Variants in RIC8B observed in about 807,000 individuals in gnomAD.
RIC8B encodes the protein chaperone Ric-8B.
RIC8B carries 16 observed loss-of-function variants against 57.5 expected under a neutral mutation model. That is an observed-to-expected ratio of 0.28 (90% CI 0.19 to 0.42). RIC8B has a LOEUF of 0.42. Among genes scored for constraint, RIC8B ranks in the 10% least tolerant of loss-of-function variants. RIC8B has a pLI of 1.00. For synonymous variants in RIC8B, 216 were observed against 250.8 expected, an observed-to-expected ratio of 0.86 and a Z score of 1.31; for missense variants, 481 against 677.0, an observed-to-expected ratio of 0.71 and a Z score of 3.21.
chr12:106,869,852 T>A (rs1950321155), intron 8 of RIC8B, among the ~76,000 whole-genome samples: 1 of 152,098 alleles, frequency 6.6e-6, no homozygotes, highest in Non-Finnish European at 1.5e-5. Context: ...GGCAGGAGAA[T>A]CACTTGAACC....
At chr12:106,836,483 T>C (rs967731987) in intron 4 of RIC8B, among the ~76,000 whole-genome samples, 16 of 152,170 alleles carry the variant, frequency 1.1e-4, no homozygotes, top group African/African-American at 3.6e-4. Context: ...CTAAAAAGCT[T>C]CTTCTCTTGC....
At chr12:106,795,153 T>TTTAAA (rs1333347158) in intron 2 of RIC8B, among the ~76,000 whole-genome samples, 2 of 152,302 alleles carry the variant, frequency 1.3e-5, no homozygotes, top group African/African-American at 4.8e-5. Flanking sequence ...TCCCAGCTTC[T>TTTAAA]TTAAAAGACA....
intron 1 of RIC8B, among the ~76,000 whole-genome samples, chr12:106,780,997 C>T (rs1425811451): frequency 6.6e-6 from 1 of 152,240 alleles, no homozygotes; most frequent in African/African-American, 2.4e-5. Flanking sequence ...GGTTGTCTGA[C>T]TCCTGATCCT....
chr12:106,871,091 T>G, intron 9 of RIC8B, 149 bp downstream of exon 9: 31 of 602,444 alleles, frequency 5.1e-5, no homozygotes, highest in Non-Finnish European at 7.5e-5. Context: ...CAGATAGCTC[T>G]TGGCTACCAT....
At chr12:106,878,169 G>A (rs548880125) in intron 9 of RIC8B, among the ~76,000 whole-genome samples, 1 of 152,214 alleles carries the variant, frequency 6.6e-6, no homozygotes, top group South Asian at 2.1e-4. Flanking sequence ...TTCCTACCAA[G>A]TTAGTGGCTT....
At chr12:106,818,600 A>G (rs1230671662) in intron 3 of RIC8B, among the ~76,000 whole-genome samples, 1 of 152,076 alleles carries the variant, frequency 6.6e-6, no homozygotes, top group Admixed American at 6.6e-5. Context: ...AGTGCAGGCC[A>G]CCACACTCGG....
intron 2 of RIC8B, among the ~76,000 whole-genome samples, chr12:106,791,471 G>A (rs1030724163): frequency 6.6e-6 from 1 of 151,996 alleles, no homozygotes; most frequent in African/African-American, 2.4e-5. Flanking sequence ...TCTTGATTAC[G>A]TATTCCTTTT....
At chr12:106,804,340 G>T (rs572235209) in intron 2 of RIC8B, among the ~76,000 whole-genome samples, 2 of 151,894 alleles carry the variant, frequency 1.3e-5, no homozygotes, top group South Asian at 4.2e-4. Context: ...CCAGCCTCAT[G>T]AGTGGCTAGG....
chr12:106,844,533 AT>A (rs1221508851), intron 6 of RIC8B, among the ~76,000 whole-genome samples: 23 of 152,330 alleles, frequency 1.5e-4, no homozygotes, highest in African/African-American at 4.8e-4. Context: ...CAAGAGCCAG[AT>A]ACAGCAGGCG....
chr12:106,775,397 C>G (rs753618886), intron 1 of RIC8B: 80 of 455,884 alleles, frequency 1.8e-4, no homozygotes, highest in Admixed American at 1.4e-4. Flanking sequence ...GAGCTGAAAT[C>G]ACGCCCAAGG....
chr12:106,830,283 CA>C (rs1381005205), intron 4 of RIC8B, among the ~76,000 whole-genome samples: 1 of 152,186 alleles, frequency 6.6e-6, no homozygotes, highest in Non-Finnish European at 1.5e-5. Flanking sequence ...AACATTTTAA[CA>C]ATACTGTCTT....
intron 9 of RIC8B, among the ~76,000 whole-genome samples, chr12:106,885,200 A>C (rs1304028164): frequency 6.6e-6 from 1 of 152,206 alleles, no homozygotes; most frequent in African/African-American, 2.4e-5. Context: ...TGTGGAGTAG[A>C]TATAATTGGA....
At chr12:106,853,970 T>C (rs1949605554) in intron 7 of RIC8B, among the ~76,000 whole-genome samples, 1 of 152,162 alleles carries the variant, frequency 6.6e-6, no homozygotes, top group African/African-American at 2.4e-5. Context: ...GCCAGGCTGG[T>C]AATAAAAGTA....
intron 2 of RIC8B, among the ~76,000 whole-genome samples, chr12:106,803,215 C>CAAAAA (rs55853235): frequency 8.3e-5 from 7 of 83,982 alleles, no homozygotes; most frequent in South Asian, 3.9e-4. Context: ...TACCCTGTCT[C>CAAAAA]AAAAAAAAAA....
Position 106,886,363 on chromosome 12 carries a change from C to T in RIC8B, c.*348C>T, listed in dbSNP as rs1413268943. The T allele has an allele frequency of 5.2e-6, 1 of 190,802 alleles. No individual in the cohort carries two copies. The highest frequency in any genetic ancestry group is 2.4e-5 in the African/African-American group (1 of 42,494). 11.8% of individuals were successfully genotyped at this position (190,802 alleles called of 1,614,324 possible). On this transcript the variant is annotated 3_prime_UTR_variant, in exon 10 of 10. Transcript: ENST00000392837. ...GCAGAAGATTTAGCCATGTCCTTCC[C>T]CTCACTTGTGTGAGTGGCCCCTTCT...
intron 2 of RIC8B, among the ~76,000 whole-genome samples, chr12:106,795,878 G>A (rs570414254): frequency 2.6e-5 from 4 of 152,224 alleles, no homozygotes; most frequent in Admixed American, 6.5e-5. Flanking sequence ...TATCTCACTG[G>A]AATTAGTATA....
chr12:106,850,982 G>A (rs76004719), intron 6 of RIC8B, among the ~76,000 whole-genome samples: 2 of 152,154 alleles, frequency 1.3e-5, no homozygotes, highest in Middle Eastern at 3.4e-3. Context: ...ATAGAAGTCC[G>A]AAGCACTTCT....
intron 2 of RIC8B, among the ~76,000 whole-genome samples, chr12:106,807,911 C>A (rs1353048667): frequency 3.9e-5 from 6 of 152,060 alleles, no homozygotes; most frequent in African/African-American, 1.2e-4. Context: ...CATGGTTAAA[C>A]CCCATCTCTA....
At chr12:106,876,111 A>G (rs1245676420) in intron 9 of RIC8B, among the ~76,000 whole-genome samples, 1 of 152,122 alleles carries the variant, frequency 6.6e-6, no homozygotes, top group African/African-American at 2.4e-5. Flanking sequence ...ATATGAAAAT[A>G]TAAAGATCTT....
Sources: allele counts gnomAD v4.1 joint callset (sites outside exome capture counted in the v4.1 genomes callset), GRCh38; gene constraint gnomAD v4.1.1; transcripts MANE v1.5; gene names NCBI Gene and HGNC (gene_info 2026-07-23, HGNC 2026-07-21).